AK5: variants seen among roughly 807,000 people sequenced by gnomAD.
AK5 encodes adenylate kinase 5.
In AK5, 27 loss-of-function variants were observed where a neutral mutation model predicts 69.5. The observed-to-expected ratio is 0.39, with a 90% CI of 0.29 to 0.54. The LOEUF (loss-of-function observed/expected upper bound fraction) is 0.54. Among genes scored for constraint, AK5 ranks in the 20% least tolerant of loss-of-function variants. AK5 has a pLI of 0.71. For missense variants in AK5, 531 were observed against 700.4 expected (o/e 0.76, Z 2.73); for synonymous variants, 260 against 244.4 (o/e 1.06, Z -0.60).
At chr1:77,525,437 A>G (rs537144036) in intron 12 of AK5, among the ~76,000 whole-genome samples, 1 of 152,346 alleles carries the variant, frequency 6.6e-6, no homozygotes, top group Admixed American at 6.5e-5. Flanking sequence ...GAAGCATGGC[A>G]TTGACATCTG....
intron 12 of AK5, among the ~76,000 whole-genome samples, chr1:77,527,028 G>A (rs958359407): frequency 9.2e-5 from 14 of 152,074 alleles, no homozygotes; most frequent in African/African-American, 3.1e-4. Flanking sequence ...CCTTCCCAAG[G>A]TGGAATCATT....
rs191810816 is a variant in AK5, at chr1:77,284,632, C to T, written c.60+2259C>T. ...TCATGAGTTCTTAATTCTGGCTAAC[C>T]TTATGGTGTGTATATTGATCTTGTA... On this transcript the variant is annotated intron_variant, in intron 1 of 13. Transcript: ENST00000354567. Among the ~76,000 whole-genome samples, 10 of 152,222 alleles carry T rather than the reference C, an allele frequency of 6.6e-5. No homozygotes were observed. The East Asian group carries it at 1.9e-3, about 29-fold the overall frequency.
intron 8 of AK5, among the ~76,000 whole-genome samples, chr1:77,431,173 A>G (rs993642801): frequency 6.6e-6 from 1 of 152,234 alleles, no homozygotes; most frequent in African/African-American, 2.4e-5. Context: ...TCAAGAGAGT[A>G]GAAGCCTGAA....
At chr1:77,389,261 G>T (rs1648256784) in intron 6 of AK5, among the ~76,000 whole-genome samples, 1 of 152,162 alleles carries the variant, frequency 6.6e-6, no homozygotes, top group Non-Finnish European at 1.5e-5. Context: ...AAAAGAAAAT[G>T]GTGGAAATGA....
intron 9 of AK5, among the ~76,000 whole-genome samples, chr1:77,484,151 C>T (rs2100724301): frequency 8.0e-6 from 1 of 124,868 alleles, no homozygotes; most frequent in East Asian, 2.3e-4. Flanking sequence ...CAGAGTGAGA[C>T]TACGTCTCAA....
intron 10 of AK5, among the ~76,000 whole-genome samples, chr1:77,504,449 T>TC (rs397752987): frequency 1.3e-5 from 2 of 151,762 alleles, no homozygotes; most frequent in East Asian, 3.9e-4. Flanking sequence ...ATATTTTTTT[T>TC]AATATACATT....
intron 13 of AK5, among the ~76,000 whole-genome samples, chr1:77,555,708 C>G (rs1051357842): frequency 6.6e-6 from 1 of 152,226 alleles, no homozygotes; most frequent in African/African-American, 2.4e-5. Flanking sequence ...CCTCAGAAAG[C>G]TTCTCTGCCC....
At chr1:77,520,125 C>T (rs1657896668) in intron 11 of AK5, among the ~76,000 whole-genome samples, 1 of 150,306 alleles carries the variant, frequency 6.7e-6, no homozygotes, top group African/African-American at 2.5e-5. Flanking sequence ...ATTGCTTGAA[C>T]CTGGGAGGCA....
Position 77,282,133 on chromosome 1 carries a change from C to G in AK5, c.-181C>G. 1 of 480,236 alleles carries G rather than the reference C, an allele frequency of 2.1e-6. No homozygotes were observed. Among genetic ancestry groups the G allele is most frequent in the Non-Finnish European group, 3.6e-6 (1 of 275,970 alleles). The allele number at this position is 480,236 out of a possible 1,614,324, so 29.7% of individuals were successfully genotyped here. ...GCGGCGGGAGCGCGGAGACCACAGC[C>G]CCCGGGGAGAGGCGGAGGGGGTCCC... On this transcript the variant is annotated 5_prime_UTR_variant, in exon 1 of 14. Transcript: ENST00000354567.
At chr1:77,523,241 T>C (rs1232468265) in intron 12 of AK5, among the ~76,000 whole-genome samples, 1 of 152,178 alleles carries the variant, frequency 6.6e-6, no homozygotes, top group Non-Finnish European at 1.5e-5. Context: ...TGTCTAGGTC[T>C]AGTTGGCATG....
intron 5 of AK5, among the ~76,000 whole-genome samples, chr1:77,303,808 G>C (rs1557478937): frequency 6.6e-6 from 1 of 152,202 alleles, no homozygotes; most frequent in Non-Finnish European, 1.5e-5. Flanking sequence ...CAGCTGATTG[G>C]AAGGGGAAGA....
chr1:77,347,173 T>C (rs988959942), intron 6 of AK5, among the ~76,000 whole-genome samples: 5 of 152,192 alleles, frequency 3.3e-5, no homozygotes, highest in African/African-American at 1.2e-4. Context: ...AACAATGATA[T>C]CTATATTCAC....
intron 13 of AK5, among the ~76,000 whole-genome samples, chr1:77,536,989 A>G (rs1476368937): frequency 1.3e-5 from 2 of 152,204 alleles, no homozygotes; most frequent in Non-Finnish European, 2.9e-5. Flanking sequence ...TCATCCCATA[A>G]CTATGTATCA....
At chr1:77,472,444 C>A (rs977291836) in intron 8 of AK5, among the ~76,000 whole-genome samples, 3 of 152,152 alleles carry the variant, frequency 2.0e-5, no homozygotes, top group African/African-American at 7.2e-5. Flanking sequence ...TCCCAAAGTC[C>A]CCCAGAAGAT....
In AK5 at chr1:77,293,954, G is replaced by A; in HGVS notation, c.409G>A (p.Val137Ile). The change falls in exon 3 of 14, where the codon GTT becomes ATT. Residue 137 changes from valine (V) to isoleucine (I), a missense_variant. Physicochemically the swap from Val to Ile is conservative, Grantham distance 29 (BLOSUM62 3). Coordinates refer to ENST00000354567, the MANE Select transcript of AK5 (RefSeq NM_174858.3). ...PTRPRPKIILVIGGPGSGKGT... is the reference protein window; with the variant it reads ...PTRPRPKIILIIGGPGSGKGT... ...CAGACCTCGACCAAAAATCATTCTT[G>A]TTATAGGTATGAGGACAGAAAGCAA... 1 of 1,610,764 alleles carries A rather than the reference G, an allele frequency of 6.2e-7. No individual in the cohort carries two copies. Among genetic ancestry groups the A allele is most frequent in the South Asian group, 1.1e-5 (1 of 90,074 alleles).
At chr1:77,350,163 A>G (rs1662120165) in intron 6 of AK5, among the ~76,000 whole-genome samples, 1 of 152,216 alleles carries the variant, frequency 6.6e-6, no homozygotes, top group Admixed American at 6.5e-5. Flanking sequence ...AAAGATAAAT[A>G]ACTTGAACTC....
chr1:77,434,651 A>G (rs2100619271), intron 8 of AK5, among the ~76,000 whole-genome samples: 1 of 152,346 alleles, frequency 6.6e-6, no homozygotes, highest in Non-Finnish European at 1.5e-5. Context: ...ATCAAAAAAC[A>G]TAATAAAGAC....
chr1:77,367,569 A>ATTATATGT lies in AK5; in HGVS notation c.891+27002_891+27003insTATATGTT, dbSNP rs1462793828. On this transcript the variant is annotated intron_variant, in intron 6 of 13. Transcript: ENST00000354567. ...ATTTATGTTATTTTTATATATATAT[A>ATTATATGT]TATATATATAATATATATGTTATAT... is the stretch of plus-strand genomic sequence containing the variant. Among the ~76,000 whole-genome samples the ATTATATGT allele has an allele frequency of 6.3e-5, 2 of 31,628 alleles. 1 individual carries two copies. Among genetic ancestry groups the ATTATATGT allele is most frequent in the Non-Finnish European group, 1.3e-4 (2 of 15,960 alleles). 20.7% of individuals were successfully genotyped at this position (31,628 alleles called of 152,430 possible).
intron 6 of AK5, among the ~76,000 whole-genome samples, chr1:77,372,059 A>C (rs1647131607): frequency 6.6e-6 from 1 of 152,204 alleles, no homozygotes; most frequent in African/African-American, 2.4e-5. Flanking sequence ...TTACTAATGC[A>C]ACATGTGCTG....
Sources: gnomAD v4.1 joint callset for allele counts (sites outside exome capture counted in the v4.1 genomes callset) on GRCh38, gnomAD v4.1.1 for gene constraint, MANE v1.5 for transcripts, NCBI Gene and HGNC (gene_info 2026-07-23, HGNC 2026-07-21) for gene names.